Variants in SLC44A1 observed in about 807,000 individuals in gnomAD.
The protein encoded by SLC44A1 is solute carrier family 44 member 1, also known as choline transporter-like protein 1.
In SLC44A1, 26 loss-of-function variants were observed where a neutral mutation model predicts 79.3. The observed-to-expected ratio is 0.33, with a 90% confidence interval of 0.24 to 0.46. The LOEUF (loss-of-function observed/expected upper bound fraction) is 0.46, where lower values mean the gene tolerates loss of function less well. Ranked by LOEUF, SLC44A1 falls within the 20% of genes least tolerant of loss-of-function variation. The pLI, the probability that SLC44A1 is intolerant of heterozygous loss-of-function variation, is 1.00. For synonymous variants in SLC44A1, 263 were observed against 286.2 expected (o/e 0.92, Z 0.82); for missense variants, 688 against 798.1 (o/e 0.86, Z 1.66).
chr9:105,302,328 G>A (rs1261308373), intron 2 of SLC44A1, among the ~76,000 whole-genome samples: 2 of 151,918 alleles, frequency 1.3e-5, no homozygotes, highest in Non-Finnish European at 2.9e-5. Flanking sequence ...GCTGTACATT[G>A]GAATTAGCTG....
At chr9:105,281,737 C>G (rs1364114759) in intron 1 of SLC44A1, among the ~76,000 whole-genome samples, 1 of 152,126 alleles carries the variant, frequency 6.6e-6, no homozygotes, top group Non-Finnish European at 1.5e-5. Flanking sequence ...ATGGGTTGTT[C>G]CTTTGTGATT....
chr9:105,430,811 A>G (rs1829382866), intron 15 of SLC44A1, among the ~76,000 whole-genome samples: 1 of 152,174 alleles, frequency 6.6e-6, no homozygotes, highest in Admixed American at 6.5e-5. Flanking sequence ...CCTAGGTCAT[A>G]TGGTAATCCT....
rs760201875 is a variant in SLC44A1 at position 105,394,419 on chromosome 9, ATGTGTG to A, written c.*5381_*5386del. On this transcript the variant is annotated 3_prime_UTR_variant, in exon 16 of 16. Coordinates refer to ENST00000374720, the MANE Select transcript of SLC44A1 (RefSeq NM_080546.5). ...TTTCCTTGGAGGTATGAGGGTGTGT[ATGTGTG>A]TGTGTGTGTGTGTGTGTTTGTGTGT... is the stretch of plus-strand genomic sequence containing the variant. The A allele has an allele frequency of 7.4e-6, 7 of 944,674 alleles. No homozygotes were observed. In the African/African-American group the frequency reaches 1.1e-4, roughly 15 times the overall value. The allele number at this position is 944,674 out of a possible 1,614,324, so 58.5% of individuals were successfully genotyped here.
intron 1 of SLC44A1, among the ~76,000 whole-genome samples, chr9:105,292,951 A>G (rs949010880): frequency 7.9e-5 from 12 of 152,186 alleles, no homozygotes; most frequent in African/African-American, 2.4e-4. Context: ...GGCTTGATCC[A>G]GGAGTTCGAG....
At chr9:105,343,168 CTTA>C (rs1827151601) in intron 4 of SLC44A1, among the ~76,000 whole-genome samples, 1 of 151,932 alleles carries the variant, frequency 6.6e-6, no homozygotes. Context: ...TGGCAGAAAT[CTTA>C]TTTTCCTTTT....
At position 105,351,786 on chromosome 9, in the gene SLC44A1, A is replaced by G. The variant is rs149877744; in HGVS notation, c.500+3335A>G. Reference sequence around the variant, plus strand: ...AGCTATCCCACAGTATCTCTCATATATATTATCTCATTTAACCTTCACAAA... The same window carrying G: ...AGCTATCCCACAGTATCTCTCATATGTATTATCTCATTTAACCTTCACAAA... On this transcript the variant is annotated intron_variant, in intron 5 of 15. Coordinates refer to ENST00000374720, the MANE Select transcript of SLC44A1 (RefSeq NM_080546.5). Among the ~76,000 whole-genome samples the G allele has an allele frequency of 5.8e-4, 89 of 152,284 alleles. No individual in the cohort carries two copies. In the East Asian group the frequency reaches 8.3e-3, roughly 14 times the overall value.
At chr9:105,284,335 G>C (rs1830427180) in intron 1 of SLC44A1, among the ~76,000 whole-genome samples, 1 of 151,560 alleles carries the variant, frequency 6.6e-6, no homozygotes, top group Admixed American at 6.6e-5. Context: ...AAAGTGCTGG[G>C]ATTATAGGCA....
Position 105,348,387 on chromosome 9 carries a change from C to G in SLC44A1, c.436C>G (p.Pro146Ala), listed in dbSNP as rs74511615. 1 of 1,610,906 alleles carries G rather than the reference C, an allele frequency of 6.2e-7. No homozygotes were observed. Among genetic ancestry groups the G allele is most frequent in the African/African-American group, 1.3e-5 (1 of 74,822 alleles). Reference protein sequence around the residue: ...GSALCSYNLKPSEYTTSPKSS... With the variant: ...GSALCSYNLKASEYTTSPKSS... ...AGCCCTATGTAGCTACAACCTAAAG[C>G]CTTCTGAATACACTACATCTCCAAA... The change falls in exon 5 of 16, where the codon CCT (proline) becomes GCT (alanine). Residue 146 changes from proline (P) to alanine (A), a missense_variant. Pro to Ala is a conservative substitution (Grantham distance 27). Coordinates refer to ENST00000374720, the MANE Select transcript of SLC44A1 (RefSeq NM_080546.5).
chr9:105,392,424 T>G lies in SLC44A1; in HGVS notation c.*3368T>G. Reference sequence around the variant, plus strand: ...CTCTCTTTTTTTTTTTTTTTTTTTTTTTTTTTCCGTGAGGGCATTAGGCTG... The same window carrying G: ...CTCTCTTTTTTTTTTTTTTTTTTTTGTTTTTTCCGTGAGGGCATTAGGCTG... On this transcript the variant is annotated 3_prime_UTR_variant, in exon 16 of 16. Coordinates refer to ENST00000374720, the MANE Select transcript of SLC44A1 (RefSeq NM_080546.5). 1 of 974,792 alleles carries G rather than the reference T, an allele frequency of 1.0e-6. No individual in the cohort carries two copies. Among genetic ancestry groups the G allele is most frequent in the Non-Finnish European group, 1.2e-6 (1 of 823,510 alleles). 60.4% of individuals were successfully genotyped at this position (974,792 alleles called of 1,614,324 possible). A position where few individuals can be genotyped will look rare whatever the true frequency, so the allele number is the denominator to read the frequency against.
At chr9:105,410,346 C>T (rs1286904944) in intron 15 of SLC44A1, among the ~76,000 whole-genome samples, 3 of 152,180 alleles carry the variant, frequency 2.0e-5, no homozygotes, top group African/African-American at 7.2e-5. Context: ...TAAAGGTCTA[C>T]TGTCCAGAAT....
intron 8 of SLC44A1, among the ~76,000 whole-genome samples, chr9:105,361,775 A>C (rs1401921140): frequency 1.3e-5 from 2 of 152,222 alleles, no homozygotes; most frequent in East Asian, 3.8e-4. Flanking sequence ...AGGTGTGGTC[A>C]GGTACAGTGG....
At chr9:105,257,899 G>A (rs551141043) in intron 1 of SLC44A1, among the ~76,000 whole-genome samples, 1 of 152,302 alleles carries the variant, frequency 6.6e-6, no homozygotes, top group East Asian at 1.9e-4. Flanking sequence ...CATATTTGAA[G>A]GGGAGGAAAA....
intron 1 of SLC44A1, among the ~76,000 whole-genome samples, chr9:105,268,567 G>T (rs546354130): frequency 4.6e-5 from 7 of 151,958 alleles, no homozygotes; most frequent in African/African-American, 1.7e-4. Context: ...GCAGTGGCGC[G>T]ATCTCTGCTC....
At chr9:105,299,831 G>C (rs1157391258) in intron 2 of SLC44A1, 8 of 986,564 alleles carry the variant, frequency 8.1e-6, no homozygotes, top group Non-Finnish European at 9.6e-6. Context: ...GGCCCCTGCT[G>C]CCTGCTGTGT....
At chr9:105,301,059 C>T (rs568711890) in intron 2 of SLC44A1, among the ~76,000 whole-genome samples, 3 of 152,266 alleles carry the variant, frequency 2.0e-5, no homozygotes, top group East Asian at 1.9e-4. Flanking sequence ...CGTGAGCCAC[C>T]GCACCCTGCC....
intron 1 of SLC44A1, among the ~76,000 whole-genome samples, chr9:105,279,143 G>A (rs982381191): frequency 2.7e-5 from 4 of 148,790 alleles, no homozygotes; most frequent in African/African-American, 1.0e-4. Flanking sequence ...AGCTTGCAGT[G>A]AGCTGAGATC....
rs62575084 is a variant in SLC44A1, at chr9:105,389,866, C to T, written c.*810C>T. The T allele has an allele frequency of 6.8e-5, 101 of 1,478,788 alleles. 2 individuals are homozygous for T. The highest frequency in any genetic ancestry group is 2.3e-4 in the Admixed American group (9 of 39,824). 91.6% of individuals were successfully genotyped at this position (1,478,788 alleles called of 1,614,324 possible). On this transcript the variant is annotated 3_prime_UTR_variant, in exon 16 of 16. Transcript: ENST00000374720. ...TTTGAAAGGAAGCTGGGGCACCCAG[C>T]GAGTTTAGCCTTTAAGTTTCTGTGT...
intron 1 of SLC44A1, among the ~76,000 whole-genome samples, chr9:105,298,480 G>A (rs1313298108): frequency 3.3e-5 from 5 of 152,080 alleles, no homozygotes; most frequent in African/African-American, 1.2e-4. Flanking sequence ...AGCCTCCCGA[G>A]TAGCTGGAAT....
chr9:105,410,662 C>G (rs553987170), intron 15 of SLC44A1, among the ~76,000 whole-genome samples: 1 of 152,258 alleles, frequency 6.6e-6, no homozygotes, highest in Admixed American at 6.5e-5. Context: ...ATAAGTTAAA[C>G]ATAGAATTAC....
Sources: gnomAD v4.1 joint callset for allele counts (sites outside exome capture counted in the v4.1 genomes callset) on GRCh38, gnomAD v4.1.1 for gene constraint, MANE v1.5 for transcripts, NCBI Gene and HGNC (gene_info 2026-07-23, HGNC 2026-07-21) for gene names.